Variants in ERG observed in about 807,000 individuals in gnomAD.
ERG encodes transcriptional regulator ERG.
Under a neutral mutation model 55.3 loss-of-function variants are expected in ERG, and 9 were observed. The observed-to-expected ratio is 0.16, with a 90% CI of 0.10 to 0.28. The LOEUF is 0.28. Ranked by LOEUF, ERG falls within the 10% of genes least tolerant of loss-of-function variation. The pLI is 1.00. For synonymous variants in ERG, 223 were observed against 237.3 expected, an observed-to-expected ratio of 0.94 and a Z score of 0.55; for missense variants, 434 against 631.6, an observed-to-expected ratio of 0.69 and a Z score of 3.35.
chr21:38,501,061 C>CTT (rs34639260), upstream of ERG, among the ~76,000 whole-genome samples: 2,196 of 80,944 alleles, frequency 0.027, 10 homozygotes, highest in African/African-American at 0.04. Context: ...CAAGGCACAT[C>CTT]TTTTTTTTTT....
chr21:38,545,390 G>A (rs1212177353), intron 2 of ERG, among the ~76,000 whole-genome samples: 3 of 152,014 alleles, frequency 2.0e-5, no homozygotes, highest in South Asian at 2.1e-4. Flanking sequence ...CTTTAGCAAC[G>A]TAGGGTTGAT....
At chr21:38,643,812 A>G (rs2060439896) in intron 1 of ERG, among the ~76,000 whole-genome samples, 1 of 152,198 alleles carries the variant, frequency 6.6e-6, no homozygotes, top group African/African-American at 2.4e-5. Context: ...GTGCTCAGAG[A>G]GATTTCAAGT....
intron 1 of ERG, among the ~76,000 whole-genome samples, chr21:38,617,182 G>A (rs1308776673): frequency 6.6e-6 from 1 of 152,140 alleles, no homozygotes; most frequent in Non-Finnish European, 1.5e-5. Context: ...ATGACATCAA[G>A]TTTCTTCCAA....
chr21:38,653,625 A>T (rs2060501117), intron 1 of ERG, among the ~76,000 whole-genome samples: 2 of 152,196 alleles, frequency 1.3e-5, no homozygotes, highest in Non-Finnish European at 2.9e-5. Context: ...TGGAAGAGAG[A>T]AAAATTCAAG....
At chr21:38,444,107 A>G (rs149237456) in intron 2 of ERG, among the ~76,000 whole-genome samples, 180 of 152,288 alleles carry the variant, frequency 1.2e-3, no homozygotes, top group African/African-American at 4.1e-3. Context: ...TTAACACCAC[A>G]CTAGGAATTG....
intron 3 of ERG, among the ~76,000 whole-genome samples, chr21:38,412,519 G>A (rs1278244317): frequency 6.6e-6 from 1 of 151,828 alleles, no homozygotes; most frequent in African/African-American, 2.4e-5. Context: ...TCATTTTACA[G>A]CCATTTCTTT....
At chr21:38,547,112 T>C (rs1257557745) in intron 2 of ERG, among the ~76,000 whole-genome samples, 11 of 152,188 alleles carry the variant, frequency 7.2e-5, no homozygotes, top group African/African-American at 2.4e-4. Flanking sequence ...TCTCAGGGAA[T>C]GTCCCATAGC....
chr21:38,455,379 G>A (rs763195834), intron 1 of ERG, among the ~76,000 whole-genome samples: 5 of 152,116 alleles, frequency 3.3e-5, no homozygotes, highest in Non-Finnish European at 5.9e-5. Flanking sequence ...TTCAAGGCTT[G>A]AGAAACACAA....
At chr21:38,621,475 C>T (rs143211864) in intron 1 of ERG, among the ~76,000 whole-genome samples, 1 of 152,266 alleles carries the variant, frequency 6.6e-6, no homozygotes, top group African/African-American at 2.4e-5. Flanking sequence ...GAGCAGCATG[C>T]CTCAGAGAGC....
At chr21:38,601,873 C>CTTTATT (rs774533693) in intron 1 of ERG, among the ~76,000 whole-genome samples, 6 of 152,224 alleles carry the variant, frequency 3.9e-5, no homozygotes, top group Admixed American at 1.3e-4. Flanking sequence ...GCATATTTTA[C>CTTTATT]TTTATTTTTA....
intron 2 of ERG, among the ~76,000 whole-genome samples, chr21:38,561,108 G>A (rs1046361373): frequency 3.3e-5 from 5 of 151,786 alleles, no homozygotes; most frequent in Admixed American, 6.6e-5. Context: ...TATGTTGTTC[G>A]TTTGTTTTTA....
Position 38,402,516 on chromosome 21 carries a change from C to T in ERG, c.673+41G>A, listed in dbSNP as rs753064023. The T allele has an allele frequency of 4.0e-6, 6 of 1,496,714 alleles. No individual in the cohort carries two copies. In the South Asian group the frequency reaches 4.6e-5, roughly 11 times the overall value. The allele number at this position is 1,496,714 out of a possible 1,614,324, so 92.7% of individuals were successfully genotyped here. A position where few individuals can be genotyped will look rare whatever the true frequency, so the allele number is the denominator to read the frequency against. ...AAAGCATGCAACCTGTACGTAAGACCCTACGCTCTTGCTGGGAGGCAGGGG... is the reference window on the plus strand; with the variant it reads ...AAAGCATGCAACCTGTACGTAAGACTCTACGCTCTTGCTGGGAGGCAGGGG... On this transcript the variant is annotated intron_variant, in intron 5 of 9. Transcript: ENST00000288319.
chr21:38,430,821 G>A (rs1012495851), intron 2 of ERG, among the ~76,000 whole-genome samples: 3 of 152,168 alleles, frequency 2.0e-5, no homozygotes, highest in African/African-American at 7.2e-5. Flanking sequence ...CCTATGAATA[G>A]CTGGGACTAC....
intron 1 of ERG, among the ~76,000 whole-genome samples, chr21:38,459,084 G>C (rs951898317): frequency 6.6e-6 from 1 of 151,988 alleles, no homozygotes. Flanking sequence ...CTAAATGTCA[G>C]CTTTCCTCTG....
At chr21:38,373,581 C>T in the ERG span, among the ~76,000 whole-genome samples, 5 of 152,154 alleles carry the variant, frequency 3.3e-5, no homozygotes, top group Non-Finnish European at 7.4e-5. Flanking sequence ...GGCTAGCATC[C>T]AAGTCCTGGG....
chr21:38,371,796 A>T, the ERG span, among the ~76,000 whole-genome samples: 16,689 of 152,094 alleles, frequency 0.11, 1,168 homozygotes, highest in South Asian at 0.18. Flanking sequence ...TCTTGCATTC[A>T]TAAGAATAAT....
At chr21:38,532,264 T>C (rs1888474) in intron 2 of ERG, among the ~76,000 whole-genome samples, 96,524 of 151,530 alleles carry the variant, frequency 0.64, 30,853 homozygotes, top group Non-Finnish European at 0.67. Flanking sequence ...TGCTAATTTC[T>C]GGATTCTTTT....
chr21:38,579,394 T>C (rs753592375), intron 1 of ERG, among the ~76,000 whole-genome samples: 1 of 152,134 alleles, frequency 6.6e-6, no homozygotes, highest in Non-Finnish European at 1.5e-5. Context: ...GGGATCGAGA[T>C]GGGAAACAGA....
intron 1 of ERG, among the ~76,000 whole-genome samples, chr21:38,464,685 A>G (rs1241642330): frequency 1.3e-5 from 2 of 151,930 alleles, no homozygotes; most frequent in Non-Finnish European, 2.9e-5. Flanking sequence ...CATCTACATT[A>G]GGTATTTCTC....
Sources: allele counts gnomAD v4.1 joint callset (sites outside exome capture counted in the v4.1 genomes callset), GRCh38; gene constraint gnomAD v4.1.1; transcripts MANE v1.5; gene names NCBI Gene and HGNC (gene_info 2026-07-23, HGNC 2026-07-21).